The following GABRB1 variants were observed in gnomAD, a reference collection of about 807,000 sequenced individuals.
GABRB1 encodes the protein gamma-aminobutyric acid receptor subunit beta-1.
GABRB1 carries 17 observed loss-of-function variants against 51.6 expected under a neutral mutation model. That is an observed-to-expected ratio of 0.33 (90% confidence interval 0.23 to 0.49). The LOEUF is 0.49. GABRB1 is among the 20% of genes least tolerant of loss of function. The probability of loss-of-function intolerance (pLI) is 0.99; values close to 1 mark genes in which losing one functional copy is unlikely to be tolerated. For synonymous variants in GABRB1, 247 were observed against 218.9 expected (o/e 1.13, Z -1.14); for missense variants, 410 against 600.6 (o/e 0.68, Z 3.32).
At chr4:47,272,842 C>CCTT (rs1722926745) in intron 4 of GABRB1, among the ~76,000 whole-genome samples, 1 of 152,110 alleles carries the variant, frequency 6.6e-6, no homozygotes, top group African/African-American at 2.4e-5. Context: ...TCTCTGTATA[C>CCTT]ATTTTATTCC....
chr4:47,117,257 T>A (rs1383993737), intron 3 of GABRB1, among the ~76,000 whole-genome samples: 1 of 152,222 alleles, frequency 6.6e-6, no homozygotes, highest in Non-Finnish European at 1.5e-5. Flanking sequence ...GATCAAGGCA[T>A]GCATGTTAGC....
At chr4:47,322,429 G>A (rs1292891360) in intron 5 of GABRB1, among the ~76,000 whole-genome samples, 1 of 152,202 alleles carries the variant, frequency 6.6e-6, no homozygotes, top group Non-Finnish European at 1.5e-5. Context: ...ATAATGAGGA[G>A]TCTACAGAGG....
intron 3 of GABRB1, among the ~76,000 whole-genome samples, chr4:47,123,189 C>T (rs1047292856): frequency 6.7e-5 from 10 of 149,940 alleles, no homozygotes; most frequent in Non-Finnish European, 1.5e-4. Flanking sequence ...TTATTCACTA[C>T]CTACTTTACA....
intron 4 of GABRB1, among the ~76,000 whole-genome samples, chr4:47,216,344 C>A (rs1720555143): frequency 6.6e-6 from 1 of 151,848 alleles, no homozygotes; most frequent in Non-Finnish European, 1.5e-5. Context: ...ATACAGTTTT[C>A]TACCCCATTA....
intron 3 of GABRB1, among the ~76,000 whole-genome samples, chr4:47,074,688 A>C (rs1284693877): frequency 6.6e-6 from 1 of 152,194 alleles, no homozygotes; most frequent in African/African-American, 2.4e-5. Context: ...AGTGACAAAC[A>C]CAGAGAAGAC....
intron 4 of GABRB1, among the ~76,000 whole-genome samples, chr4:47,271,652 T>C (rs1422273679): frequency 6.6e-6 from 1 of 152,174 alleles, no homozygotes; most frequent in Non-Finnish European, 1.5e-5. Context: ...TCCTTTCCAG[T>C]TTACCCTATA....
intron 1 of GABRB1, among the ~76,000 whole-genome samples, chr4:47,012,575 A>T (rs1724615146): frequency 6.6e-6 from 1 of 152,214 alleles, no homozygotes; most frequent in African/African-American, 2.4e-5. Flanking sequence ...TTGTCATGGT[A>T]ATCAACCCTA....
At chr4:47,202,152 C>G (rs1208998701) in intron 4 of GABRB1, among the ~76,000 whole-genome samples, 1 of 152,126 alleles carries the variant, frequency 6.6e-6, no homozygotes, top group Non-Finnish European at 1.5e-5. Context: ...ATTGAATCAT[C>G]GGGGGCAGTT....
chr4:47,095,437 G>A (rs547478568), intron 3 of GABRB1, among the ~76,000 whole-genome samples: 39 of 152,274 alleles, frequency 2.6e-4, no homozygotes, highest in Middle Eastern at 3.4e-3. Flanking sequence ...TAATGGCTAC[G>A]TCTGCGAAGC....
intron 3 of GABRB1, among the ~76,000 whole-genome samples, chr4:47,138,617 T>C (rs899657134): frequency 6.6e-6 from 1 of 152,102 alleles, no homozygotes; most frequent in Non-Finnish European, 1.5e-5. Flanking sequence ...TGCTCTTCTT[T>C]GCAAGAAACT....
chr4:47,007,091 G>T (rs1482912949), intron 1 of GABRB1, among the ~76,000 whole-genome samples: 1 of 151,666 alleles, frequency 6.6e-6, no homozygotes, highest in African/African-American at 2.4e-5. Context: ...AGGGAGCCAT[G>T]ATCGTGCCAC....
chr4:47,111,775 G>A (rs1452539202), intron 3 of GABRB1, among the ~76,000 whole-genome samples: 2 of 151,998 alleles, frequency 1.3e-5, no homozygotes, highest in Non-Finnish European at 2.9e-5. Context: ...TGAGGTGGGA[G>A]GATTACTTGA....
chr4:47,348,211 G>A (rs977682667), intron 5 of GABRB1, among the ~76,000 whole-genome samples: 1 of 152,082 alleles, frequency 6.6e-6, no homozygotes, highest in East Asian at 1.9e-4. Context: ...ATGTTATCAT[G>A]CTGTTCAGTT....
chr4:47,161,653 A>G (rs1669023598), intron 4 of GABRB1, among the ~76,000 whole-genome samples, 184 bp downstream of exon 4: 1 of 152,076 alleles, frequency 6.6e-6, no homozygotes, highest in Admixed American at 6.6e-5. Context: ...AATTATAGGC[A>G]ACACATCAAA....
chr4:47,006,481 G>A (rs1724401743), intron 1 of GABRB1, among the ~76,000 whole-genome samples: 1 of 152,074 alleles, frequency 6.6e-6, no homozygotes, highest in Admixed American at 6.6e-5. Context: ...TCTATAATAT[G>A]TCTTATAACA....
chr4:47,387,528 A>G (rs956306425), intron 5 of GABRB1, among the ~76,000 whole-genome samples: 8 of 152,212 alleles, frequency 5.3e-5, no homozygotes, highest in Admixed American at 3.9e-4. Flanking sequence ...AGATAAAATT[A>G]TCAAACTGGC....
chr4:47,033,901 TG>T (rs1391120264), intron 3 of GABRB1, among the ~76,000 whole-genome samples: 1 of 152,236 alleles, frequency 6.6e-6, no homozygotes, highest in Non-Finnish European at 1.5e-5. Flanking sequence ...TTTGGCAAAC[TG>T]ACTTATTATA....
intron 3 of GABRB1, among the ~76,000 whole-genome samples, chr4:47,091,616 G>A (rs1376922392): frequency 6.6e-6 from 1 of 152,054 alleles, no homozygotes; most frequent in Non-Finnish European, 1.5e-5. Context: ...CAGCTTAGAA[G>A]CGCTCTCCTC....
chr4:47,371,382 G>A (rs192606549), intron 5 of GABRB1, among the ~76,000 whole-genome samples: 123 of 152,228 alleles, frequency 8.1e-4, no homozygotes, highest in Non-Finnish European at 1.4e-3. Flanking sequence ...ATTATGAATA[G>A]TGCTGCAATC....
Sources: gnomAD v4.1 joint callset for allele counts (sites outside exome capture counted in the v4.1 genomes callset) on GRCh38, gnomAD v4.1.1 for gene constraint, MANE v1.5 for transcripts, NCBI Gene and HGNC (gene_info 2026-07-23, HGNC 2026-07-21) for gene names.